Variants in SLC4A10 observed in about 807,000 individuals in gnomAD.
SLC4A10 encodes solute carrier family 4 member 10.
In SLC4A10, 42 loss-of-function variants were observed where a neutral mutation model predicts 137.7. The ratio of observed to expected loss-of-function variants is 0.30; its 90% CI spans 0.24 to 0.39. The LOEUF (loss-of-function observed/expected upper bound fraction) is 0.39. Ranked by LOEUF, SLC4A10 falls within the 10% of genes least tolerant of loss-of-function variation. The probability of loss-of-function intolerance (pLI) is 1.00; values close to 1 mark genes in which losing one functional copy is unlikely to be tolerated. For synonymous variants in SLC4A10, 474 were observed against 464.1 expected (o/e 1.02, Z -0.27); for missense variants, 925 against 1,355.0 (o/e 0.68, Z 4.98).
chr2:161,721,758 C>T (rs193286744), intron 1 of SLC4A10, among the ~76,000 whole-genome samples: 171 of 152,248 alleles, frequency 1.1e-3, no homozygotes, highest in Non-Finnish European at 1.9e-3. Flanking sequence ...GAATTTCCCT[C>T]GGATGATATC....
intron 1 of SLC4A10, among the ~76,000 whole-genome samples, chr2:161,678,757 A>T (rs2040533086): frequency 6.6e-6 from 1 of 151,910 alleles, no homozygotes; most frequent in African/African-American, 2.4e-5. Flanking sequence ...GCATATCATT[A>T]TGTCTGTGAT....
chr2:161,669,287 A>C (rs1055389705), intron 1 of SLC4A10, among the ~76,000 whole-genome samples: 1 of 151,872 alleles, frequency 6.6e-6, no homozygotes, highest in African/African-American at 2.4e-5. Flanking sequence ...AACATTGCTT[A>C]TGCAGGAACA....
chr2:161,707,719 T>C (rs2043844607), intron 1 of SLC4A10, among the ~76,000 whole-genome samples: 1 of 151,508 alleles, frequency 6.6e-6, no homozygotes, highest in Non-Finnish European at 1.5e-5. Flanking sequence ...GACTTAACCG[T>C]GCAGTTTTAG....
At chr2:161,715,731 C>A (rs1559092533) in intron 1 of SLC4A10, among the ~76,000 whole-genome samples, 1 of 152,064 alleles carries the variant, frequency 6.6e-6, no homozygotes, top group African/African-American at 2.4e-5. Context: ...TTTCTTTATC[C>A]AGCCTATCAT....
At chr2:161,957,523 G>C (rs987536440) in intron 20 of SLC4A10, among the ~76,000 whole-genome samples, 4 of 152,166 alleles carry the variant, frequency 2.6e-5, no homozygotes, top group Non-Finnish European at 4.4e-5. Flanking sequence ...ATGGGAAAAA[G>C]TCACTCATTG....
In SLC4A10 at chr2:161,907,665, G is replaced by A. The variant is rs1202195475; in HGVS notation, c.1997+1778G>A. Among the ~76,000 whole-genome samples the A allele has an allele frequency of 2.6e-5, 4 of 152,170 alleles. No homozygotes were observed. The East Asian group carries it at 7.7e-4, about 29-fold the overall frequency. On this transcript the variant is annotated intron_variant, in intron 15 of 26. Transcript: ENST00000446997. ...AAGGCTTCCTGGAGGAAATAATGTAGAATAAAAATGCAGTAGAAGTTAGGA... is the reference window on the plus strand; with the variant it reads ...AAGGCTTCCTGGAGGAAATAATGTAAAATAAAAATGCAGTAGAAGTTAGGA...
intron 1 of SLC4A10, among the ~76,000 whole-genome samples, chr2:161,733,598 C>A (rs1372832510): frequency 2.0e-5 from 3 of 152,240 alleles, no homozygotes; most frequent in Non-Finnish European, 4.4e-5. Flanking sequence ...CCACCCAAGT[C>A]CCTACTGGGG....
At chr2:161,948,420 T>C (rs781746494) in intron 17 of SLC4A10, among the ~76,000 whole-genome samples, 4 of 152,146 alleles carry the variant, frequency 2.6e-5, no homozygotes, top group Non-Finnish European at 5.9e-5. Context: ...AGGTGGAAGA[T>C]TCATTTATTT....
rs185467726 is a variant in SLC4A10, at chr2:161,886,129, C to A, written c.1194+3685C>A. 9.9e-5 allele frequency among the ~76,000 whole-genome samples: 15 copies of A among 152,060 alleles called. No individual in the cohort carries two copies. In the East Asian group the frequency reaches 2.9e-3, roughly 29 times the overall value. ...AAATACATAAATAACAATAGTAAAG[C>A]CATTACATATTAACATAAATAATAC... On this transcript the variant is annotated intron_variant, in intron 10 of 26. Transcript: ENST00000446997.
At chr2:161,694,033 C>T (rs1423740684) in intron 1 of SLC4A10, among the ~76,000 whole-genome samples, 1 of 152,028 alleles carries the variant, frequency 6.6e-6, no homozygotes, top group Non-Finnish European at 1.5e-5. Context: ...ATTGAGGTCT[C>T]TTCAGAGACA....
At chr2:161,832,534 A>G (rs2058496416) in intron 3 of SLC4A10, among the ~76,000 whole-genome samples, 1 of 152,330 alleles carries the variant, frequency 6.6e-6, no homozygotes, top group Middle Eastern at 3.4e-3. Flanking sequence ...TCTATTGCTC[A>G]TTAATGAGGA....
chr2:161,667,640 A>G (rs2039209707), intron 1 of SLC4A10, among the ~76,000 whole-genome samples: 1 of 151,734 alleles, frequency 6.6e-6, no homozygotes, highest in Non-Finnish European at 1.5e-5. Context: ...AATGAGTTGT[A>G]GCAGTTACTT....
chr2:161,626,413 T>C (rs1043288608), intron 1 of SLC4A10, among the ~76,000 whole-genome samples: 1 of 152,110 alleles, frequency 6.6e-6, no homozygotes, highest in Admixed American at 6.6e-5. Context: ...AGGTCTACAA[T>C]ACATCTGATG....
intron 12 of SLC4A10, 53 bp downstream of exon 12, chr2:161,901,064 T>A (rs1482318226): frequency 1.5e-6 from 2 of 1,320,654 alleles, no homozygotes; most frequent in African/African-American, 2.9e-5. Context: ...CATACCATTC[T>A]TCTCTGTCAG....
At chr2:161,628,751 G>C (rs1048750937) in intron 1 of SLC4A10, among the ~76,000 whole-genome samples, 1 of 152,014 alleles carries the variant, frequency 6.6e-6, no homozygotes, top group East Asian at 1.9e-4. Context: ...AGCATGGTGA[G>C]TGACTATGGA....
chr2:161,653,332 T>A (rs1328408877), intron 1 of SLC4A10, among the ~76,000 whole-genome samples: 2 of 152,198 alleles, frequency 1.3e-5, no homozygotes, highest in Non-Finnish European at 2.9e-5. Context: ...GTCTTTATAG[T>A]AGAATGATTT....
At chr2:161,712,494 T>A (rs1274510203) in intron 1 of SLC4A10, among the ~76,000 whole-genome samples, 4 of 151,806 alleles carry the variant, frequency 2.6e-5, no homozygotes, top group South Asian at 2.1e-4. Flanking sequence ...AGACAAAAAA[T>A]TTTACCGAAA....
At chr2:161,782,871 C>T (rs182544491) in intron 2 of SLC4A10, among the ~76,000 whole-genome samples, 66 of 150,256 alleles carry the variant, frequency 4.4e-4, no homozygotes, top group Non-Finnish European at 9.0e-4. Flanking sequence ...TCAAGTGGAT[C>T]AATATATGCA....
chr2:161,684,383 C>T (rs2041174248), intron 1 of SLC4A10, among the ~76,000 whole-genome samples: 1 of 151,792 alleles, frequency 6.6e-6, no homozygotes, highest in Admixed American at 6.6e-5. Flanking sequence ...TTTCATATTC[C>T]CTTTTCTAGT....
Sources: allele counts gnomAD v4.1 joint callset (sites outside exome capture counted in the v4.1 genomes callset), GRCh38; gene constraint gnomAD v4.1.1; transcripts MANE v1.5; gene names NCBI Gene and HGNC (gene_info 2026-07-23, HGNC 2026-07-21).